The following ZCRB1 variants were observed in gnomAD, a reference collection of about 807,000 sequenced individuals.
ZCRB1 encodes zinc finger CCHC-type and RNA binding motif containing 1, also known as zinc finger CCHC-type and RNA-binding motif-containing protein 1.
ZCRB1 carries 21 observed loss-of-function variants against 29.9 expected under a neutral mutation model. That is an observed-to-expected ratio of 0.70 (90% CI 0.50 to 1.01). ZCRB1 has a LOEUF of 1.01. Among genes scored for constraint, ZCRB1 ranks in the 50% least tolerant of loss-of-function variants. The pLI is 0.00. For synonymous variants in ZCRB1, 77 were observed against 80.0 expected (o/e 0.96, Z 0.20); for missense variants, 204 against 253.3 (o/e 0.81, Z 1.32).
At chr12:42,323,889 C>T (rs2068634386) in intron 2 of ZCRB1, 130 bp downstream of exon 2, 3 of 790,642 alleles carry the variant, frequency 3.8e-6, no homozygotes, top group South Asian at 1.7e-5. Context: ...CAGCCTCGTG[C>T]CTCAGTGACA....
In ZCRB1 at chr12:42,313,139, T is replaced by G; in HGVS notation, c.582A>C (p.Thr194=). The G allele has an allele frequency of 6.2e-7, 1 of 1,612,850 alleles. No individual in the cohort carries two copies. Among genetic ancestry groups the G allele is most frequent in the Non-Finnish European group, 8.5e-7 (1 of 1,179,442 alleles). ...TCCTTGGGCGTCTTGAATCATCTGA[T>G]GTTGAGGGGACTCCTGAACTGGGTT... ...KWKPSSGVPS[T]SDDSRRPRIK... Residue 194 remains threonine (T), a synonymous_variant, in exon 8 of 8, where the codon ACA becomes ACC. Coordinates refer to ENST00000266529, the MANE Select transcript of ZCRB1 (RefSeq NM_033114.4).
At chr12:42,313,548 C>A (rs1287433888) in intron 7 of ZCRB1, 142 bp downstream of exon 7, 2 of 873,750 alleles carry the variant, frequency 2.3e-6, no homozygotes, top group South Asian at 3.7e-5. Flanking sequence ...TGGCTAAGTA[C>A]CTCAGAGAAA....
In ZCRB1 at chr12:42,317,767, G is replaced by A. The variant is rs1463855328; in HGVS notation, c.225+20C>T. On this transcript the variant is annotated intron_variant, in intron 4 of 7. Coordinates refer to ENST00000266529, the MANE Select transcript of ZCRB1 (RefSeq NM_033114.4). ...TAAAGGCTTTGGGGCTAAAAACCTT[G>A]ATGGAGATGAATAGCTTACCTGTTT... 5 of 1,606,338 alleles carry A rather than the reference G, an allele frequency of 3.1e-6. No homozygotes were observed. Among genetic ancestry groups the A allele is most frequent in the South Asian group, 1.1e-5 (1 of 90,516 alleles).
rs1592111020 is a variant in ZCRB1 at position 42,326,009 on chromosome 12, G to C, written c.-88C>G. The C allele has an allele frequency of 6.6e-6, 1 of 152,308 alleles. No individual in the cohort carries two copies. The highest frequency in any genetic ancestry group is 1.9e-4 in the East Asian group (1 of 5,180). 9.4% of individuals were successfully genotyped at this position (152,308 alleles called of 1,614,324 possible). The stretch of plus-strand genomic sequence containing the variant: ...CAACCCCGACTCTTCGTAGCCGCTC[G>C]CAGCGGCCTTGGCATCACGAGTCCT... On this transcript the variant is annotated 5_prime_UTR_variant, in exon 1 of 8. Coordinates refer to ENST00000266529, the MANE Select transcript of ZCRB1 (RefSeq NM_033114.4).
chr12:42,313,839 C>T (rs1478438029), intron 6 of ZCRB1, 35 bp downstream of exon 6: 6 of 1,609,354 alleles, frequency 3.7e-6, no homozygotes, highest in Admixed American at 1.7e-5. Context: ...ACAAAAGCAA[C>T]ATGATGATGT....
intron 5 of ZCRB1, among the ~76,000 whole-genome samples, chr12:42,316,584 A>C (rs2068595695): frequency 6.6e-6 from 1 of 152,226 alleles, no homozygotes; most frequent in South Asian, 2.1e-4. Flanking sequence ...AAATGTGGGG[A>C]TAGTTCAGTT....
chr12:42,313,213 A>G lies in ZCRB1; in HGVS notation c.523-15T>C. On this transcript the variant is annotated splice_polypyrimidine_tract_variant and intron_variant, in intron 7 of 7. Transcript: ENST00000266529. ...ATTTTGGCTTGCTGTGATTCAAAAA[A>G]CAAAACAAAACCAATAACCTGTTTA... 2 of 1,598,590 alleles carry G rather than the reference A, an allele frequency of 1.3e-6. No homozygotes were observed. The highest frequency in any genetic ancestry group is 1.7e-6 in the Non-Finnish European group (2 of 1,175,450).
chr12:42,323,018 C>A (rs1592104340), intron 2 of ZCRB1, among the ~76,000 whole-genome samples: 1 of 152,200 alleles, frequency 6.6e-6, no homozygotes, highest in Non-Finnish European at 1.5e-5. Context: ...GAACTTTATA[C>A]TTGGCTCTCT....
At chr12:42,319,356 C>G (rs1289790828) in intron 3 of ZCRB1, among the ~76,000 whole-genome samples, 1 of 152,118 alleles carries the variant, frequency 6.6e-6, no homozygotes, top group Non-Finnish European at 1.5e-5. Flanking sequence ...TCACACCATT[C>G]CTTTGTTCAA....
At chr12:42,324,197 G>A (rs1184204686) in intron 1 of ZCRB1, 93 bp from the exon 2 acceptor site, 1 of 1,159,288 alleles carries the variant, frequency 8.6e-7, no homozygotes, top group East Asian at 2.4e-5. Flanking sequence ...TGCCCAGGCT[G>A]GGGTGCAATG....
At position 42,312,830 on chromosome 12, in the gene ZCRB1, G is replaced by A. The variant is rs1004214107; in HGVS notation, c.*237C>T. Reference sequence around the variant, plus strand: ...GTAACAATAAATCATTCAACTTTTCGGTCTTCAGGAAGTTTGTTTTAAGGA... The same window carrying A: ...GTAACAATAAATCATTCAACTTTTCAGTCTTCAGGAAGTTTGTTTTAAGGA... On this transcript the variant is annotated 3_prime_UTR_variant, in exon 8 of 8. Transcript: ENST00000266529. The A allele has an allele frequency of 1.7e-4, 47 of 284,696 alleles. No individual in the cohort carries two copies. The highest frequency in any genetic ancestry group is 2.1e-3 in the Middle Eastern group (2 of 934). The allele number at this position is 284,696 out of a possible 1,614,324, so 17.6% of individuals were successfully genotyped here.
chr12:42,317,941 TAAAAC>T, intron 3 of ZCRB1, 43 bp from the exon 4 acceptor site: 1 of 1,465,720 alleles, frequency 6.8e-7, no homozygotes, highest in Non-Finnish European at 9.4e-7. Flanking sequence ...CAGCAATAAA[TAAAAC>T]AGATACTAAT....
chr12:42,314,874 C>T (rs1402223002), intron 5 of ZCRB1, among the ~76,000 whole-genome samples: 2 of 152,126 alleles, frequency 1.3e-5, no homozygotes, highest in African/African-American at 2.4e-5. Context: ...ATTGATCGAA[C>T]GCGGGAGGCA....
At chr12:42,315,485 C>T (rs2068590460) in intron 5 of ZCRB1, among the ~76,000 whole-genome samples, 1 of 152,026 alleles carries the variant, frequency 6.6e-6, no homozygotes, top group South Asian at 2.1e-4. Flanking sequence ...AGACACATAT[C>T]TGAAACTGTT....
intron 2 of ZCRB1, among the ~76,000 whole-genome samples, chr12:42,323,295 C>A (rs2068630608): frequency 6.6e-6 from 1 of 152,160 alleles, no homozygotes; most frequent in South Asian, 2.1e-4. Context: ...TTGTTTCATG[C>A]AGAGTGAAAG....
In ZCRB1 at chr12:42,312,433, A is replaced by AT. The variant is rs2068574068; in HGVS notation, c.*633dup. 6.6e-6 allele frequency: 1 copy of AT among 152,206 alleles called. No individual in the cohort carries two copies. The highest frequency in any genetic ancestry group is 1.5e-5 in the Non-Finnish European group (1 of 68,024). 9.4% of individuals were successfully genotyped at this position (152,206 alleles called of 1,614,324 possible). A position where few individuals can be genotyped will look rare whatever the true frequency, so the allele number is the denominator to read the frequency against. ...TGGTTATTAAAAAAGATATATATGG[A>AT]TTCCCCCAAATTTTTAATACAGCCA... On this transcript the variant is annotated 3_prime_UTR_variant, in exon 8 of 8. Transcript: ENST00000266529.
At chr12:42,316,525 C>G (rs1592102264) in intron 5 of ZCRB1, among the ~76,000 whole-genome samples, 1 of 152,192 alleles carries the variant, frequency 6.6e-6, no homozygotes, top group Middle Eastern at 3.4e-3. Context: ...CTCTTCATCA[C>G]CAAAACTTTA....
chr12:42,320,242 A>G (rs748305749), intron 3 of ZCRB1, among the ~76,000 whole-genome samples: 19 of 152,204 alleles, frequency 1.2e-4, no homozygotes, highest in Non-Finnish European at 2.6e-4. Flanking sequence ...CAAAGTCCTT[A>G]TACGCAAAGT....
chr12:42,325,757 T>A (rs1238345651), intron 1 of ZCRB1, 167 bp downstream of exon 1: 2 of 152,246 alleles, frequency 1.3e-5, no homozygotes, highest in Admixed American at 6.5e-5. Flanking sequence ...TTTAAGTTTC[T>A]CATTTGAAAC....
Sources: allele counts gnomAD v4.1 joint callset (sites outside exome capture counted in the v4.1 genomes callset), GRCh38; gene constraint gnomAD v4.1.1; transcripts MANE v1.5; gene names NCBI Gene and HGNC (gene_info 2026-07-23, HGNC 2026-07-21).